The following SLC44A5 variants were observed in gnomAD, a reference collection of about 807,000 sequenced individuals.
SLC44A5 encodes the protein solute carrier family 44 member 5, also known as choline transporter-like protein 5.
In SLC44A5, 57 loss-of-function variants were observed where a neutral mutation model predicts 101.8. The observed-to-expected ratio is 0.56, with a 90% CI of 0.45 to 0.70. SLC44A5 has a LOEUF of 0.70. SLC44A5 is among the 30% of genes least tolerant of loss of function. The pLI, the probability that SLC44A5 is intolerant of heterozygous loss-of-function variation, is 0.00. For synonymous variants in SLC44A5, 281 were observed against 290.9 expected (o/e 0.97, Z 0.35); for missense variants, 737 against 853.1 (o/e 0.86, Z 1.70).
chr1:75,711,063 A>G, the SLC44A5 span, among the ~76,000 whole-genome samples: 1 of 152,188 alleles, frequency 6.6e-6, no homozygotes, highest in African/African-American at 2.4e-5. Context: ...CCCACAACCA[A>G]CATCTCTGCT....
intron 2 of SLC44A5, among the ~76,000 whole-genome samples, chr1:75,501,329 A>G (rs1486063083): frequency 2.0e-5 from 3 of 152,128 alleles, no homozygotes; most frequent in Non-Finnish European, 4.4e-5. Flanking sequence ...TACCTCCTCA[A>G]TCTCACTCTC....
At chr1:75,509,494 T>C (rs1355132422) in intron 2 of SLC44A5, among the ~76,000 whole-genome samples, 2 of 152,044 alleles carry the variant, frequency 1.3e-5, no homozygotes, top group African/African-American at 4.8e-5. Flanking sequence ...ACAATGAAAA[T>C]AGAATGGTTA....
At chr1:75,658,103 T>C in the SLC44A5 span, among the ~76,000 whole-genome samples, 1 of 152,224 alleles carries the variant, frequency 6.6e-6, no homozygotes, top group East Asian at 1.9e-4. Context: ...TTGTCGTTGT[T>C]GTTTTGAGAC....
chr1:75,692,367 T>C, the SLC44A5 span, among the ~76,000 whole-genome samples: 4 of 151,926 alleles, frequency 2.6e-5, no homozygotes, highest in Non-Finnish European at 4.4e-5. Context: ...CTAATTTTTT[T>C]TGTATTTTTA....
intron 2 of SLC44A5, among the ~76,000 whole-genome samples, chr1:75,405,296 A>G (rs549691775): frequency 1.8e-4 from 27 of 152,338 alleles, no homozygotes; most frequent in African/African-American, 6.5e-4. Context: ...AAACAGATCA[A>G]TGAGACAGAA....
chr1:75,634,133 T>C, the SLC44A5 span, among the ~76,000 whole-genome samples: 2 of 152,214 alleles, frequency 1.3e-5, no homozygotes, highest in African/African-American at 4.8e-5. Context: ...CAGTATTTTA[T>C]GGAGTATTTT....
intron 1 of SLC44A5, among the ~76,000 whole-genome samples, chr1:75,548,360 A>G (rs1359078304): frequency 6.6e-6 from 1 of 152,180 alleles, no homozygotes; most frequent in Non-Finnish European, 1.5e-5. Flanking sequence ...ACTTTATGAA[A>G]TTTAATGATC....
At chr1:75,688,085 T>C in the SLC44A5 span, among the ~76,000 whole-genome samples, 10 of 152,182 alleles carry the variant, frequency 6.6e-5, no homozygotes, top group African/African-American at 2.4e-4. Flanking sequence ...TTTGCCCTGA[T>C]GAGTGACAAA....
intron 3 of SLC44A5, among the ~76,000 whole-genome samples, chr1:75,395,218 T>G (rs1304047037): frequency 6.6e-6 from 1 of 152,122 alleles, no homozygotes; most frequent in Non-Finnish European, 1.5e-5. Context: ...ACAAGGTATA[T>G]GAATAAAAAC....
At chr1:75,275,977 T>G (rs1053703316) in intron 5 of SLC44A5, among the ~76,000 whole-genome samples, 5 of 152,128 alleles carry the variant, frequency 3.3e-5, no homozygotes, top group Admixed American at 3.3e-4. Context: ...ACATTTCATG[T>G]TATAATTCAA....
Position 75,227,771 on chromosome 1 carries a change from T to C in SLC44A5, c.940A>G (p.Asn314Asp). 6.3e-7 allele frequency: 1 copy of C among 1,589,844 alleles called. No individual in the cohort carries two copies. Among genetic ancestry groups the C allele is most frequent in the Non-Finnish European group, 8.5e-7 (1 of 1,173,364 alleles). ...LTIYDIGIQTNISMYFELQQT... is the reference protein window; with the variant it reads ...LTIYDIGIQTDISMYFELQQT... ...TGCAGTTCAAAGTACATGCTTATGT[T>C]AGTCTGAATCCCGATGTCATAGATA... The change falls in exon 13 of 24, where the codon AAC becomes GAC. Residue 314 changes from asparagine to aspartate, a missense_variant. Coordinates refer to ENST00000370859, the MANE Select transcript of SLC44A5 (RefSeq NM_001130058.2).
rs1205295697 is a variant in SLC44A5 at position 75,388,253 on chromosome 1, TA to T, written c.52+8329del. ...AAATAAATCCAAAAAAAAACAGTAT[TA>T]AAAAAAAAAAAAGAAAATTCATTAC... On this transcript the variant is annotated intron_variant, in intron 3 of 23. Coordinates refer to ENST00000370859, the MANE Select transcript of SLC44A5 (RefSeq NM_001130058.2). Among the ~76,000 whole-genome samples, 906 of 122,130 alleles carry T rather than the reference TA, an allele frequency of 7.4e-3. 2 individuals carry two copies. The highest frequency in any genetic ancestry group is 0.026 in the Middle Eastern group (6 of 230). The allele number at this position is 122,130 out of a possible 152,430, so 80.1% of individuals were successfully genotyped here.
chr1:75,535,531 T>A lies in SLC44A5; in HGVS notation c.13+5904A>T, dbSNP rs141350394. Among the ~76,000 whole-genome samples, 916 of 152,214 alleles carry A rather than the reference T, an allele frequency of 6.0e-3. 17 individuals carry two copies. Among genetic ancestry groups the A allele is most frequent in the Admixed American group, 0.038 (582 of 15,290 alleles). On this transcript the variant is annotated intron_variant, in intron 2 of 23. Coordinates refer to ENST00000370859, the MANE Select transcript of SLC44A5 (RefSeq NM_001130058.2). ...TTAGCCCCCTAAGTTAGCCCAAAGA[T>A]CACTGGTGTACCATGAATTGGGGTC...
chr1:75,662,703 T>A, the SLC44A5 span, among the ~76,000 whole-genome samples: 1 of 152,098 alleles, frequency 6.6e-6, no homozygotes, highest in African/African-American at 2.4e-5. Context: ...GGTTTTTGCC[T>A]TTCACAATTA....
chr1:75,503,642 C>T (rs996588819), intron 2 of SLC44A5, among the ~76,000 whole-genome samples: 2 of 152,158 alleles, frequency 1.3e-5, no homozygotes, highest in African/African-American at 4.8e-5. Context: ...CTCTTATAAA[C>T]CTCTCAAGTA....
the SLC44A5 span, among the ~76,000 whole-genome samples, chr1:75,675,655 A>G: frequency 2.0e-5 from 3 of 152,248 alleles, no homozygotes; most frequent in Admixed American, 1.3e-4. Flanking sequence ...CAAAGATTTC[A>G]TGACAAAAAC....
At chr1:75,677,851 C>T in the SLC44A5 span, 4 of 369,716 alleles carry the variant, frequency 1.1e-5, no homozygotes, top group Middle Eastern at 5.3e-4. Flanking sequence ...TCTGAGGTAC[C>T]GGGTTCATCT....
chr1:75,472,192 C>T (rs1204747219), intron 2 of SLC44A5, among the ~76,000 whole-genome samples: 1 of 151,706 alleles, frequency 6.6e-6, no homozygotes, highest in Non-Finnish European at 1.5e-5. Context: ...AATAAAAAGG[C>T]TTCATGGAAA....
intron 1 of SLC44A5, among the ~76,000 whole-genome samples, chr1:75,577,070 T>C (rs1443437448): frequency 6.6e-6 from 1 of 152,194 alleles, no homozygotes; most frequent in African/African-American, 2.4e-5. Context: ...TCATTGACTC[T>C]TCTCTTTCAG....
Sources: gnomAD v4.1 joint callset for allele counts (sites outside exome capture counted in the v4.1 genomes callset) on GRCh38, gnomAD v4.1.1 for gene constraint, MANE v1.5 for transcripts, NCBI Gene and HGNC (gene_info 2026-07-23, HGNC 2026-07-21) for gene names.